The following TTC7A variants were observed in gnomAD, a reference collection of about 807,000 sequenced individuals.
TTC7A encodes tetratricopeptide repeat domain 7A, also known as tetratricopeptide repeat protein 7A.
A neutral mutation model predicts 103.7 loss-of-function variants in TTC7A; 110 were observed. The ratio of observed to expected loss-of-function variants is 1.06; its 90% confidence interval spans 0.91 to 1.24. The LOEUF (loss-of-function observed/expected upper bound fraction) is 1.24, where lower values mean the gene tolerates loss of function less well. Ranked by LOEUF, TTC7A falls within the 50% of genes most tolerant of loss-of-function variation. TTC7A has a pLI of 0.00. For synonymous variants in TTC7A, 521 were observed against 467.9 expected (o/e 1.11, Z -1.47); for missense variants, 1,340 against 1,116.3 (o/e 1.20, Z -2.86).
intron 2 of TTC7A, among the ~76,000 whole-genome samples, chr2:46,931,599 C>T (rs1345735699): frequency 6.6e-6 from 1 of 151,994 alleles, no homozygotes; most frequent in Non-Finnish European, 1.5e-5. Flanking sequence ...GGGTCACCAG[C>T]CAAGGAATGC....
intron 8 of TTC7A, among the ~76,000 whole-genome samples, chr2:47,002,905 G>A (rs981209452): frequency 6.6e-6 from 1 of 152,080 alleles, no homozygotes; most frequent in Non-Finnish European, 1.5e-5. Flanking sequence ...GCCCCAGTTC[G>A]CACCAGTCCC....
chr2:46,996,284 C>T (rs902987251), intron 8 of TTC7A, among the ~76,000 whole-genome samples: 3 of 152,100 alleles, frequency 2.0e-5, no homozygotes, highest in African/African-American at 4.8e-5. Context: ...CCAAGTCCTC[C>T]GACCAAGGGG....
chr2:47,032,467 T>C (rs1680655143), intron 15 of TTC7A, among the ~76,000 whole-genome samples: 1 of 152,210 alleles, frequency 6.6e-6, no homozygotes, highest in South Asian at 2.1e-4. Context: ...GCAGAGCGAC[T>C]GCAAGGGCTT....
chr2:46,938,945 A>C (rs1670113445), upstream of TTC7A, among the ~76,000 whole-genome samples: 3 of 149,774 alleles, frequency 2.0e-5, no homozygotes, highest in African/African-American at 7.4e-5. Context: ...TGGGAGGCGG[A>C]GGTTGTTGTG....
In TTC7A at chr2:46,978,680, T is replaced by C. The variant is rs1307301070; in HGVS notation, c.649-112T>C. ...CAAGCCTGGTCTGAGAATGCAACAATGTGCCCCTGAACAACTGGGACTGGG... is the reference window on the plus strand; with the variant it reads ...CAAGCCTGGTCTGAGAATGCAACAACGTGCCCCTGAACAACTGGGACTGGG... On this transcript the variant is annotated intron_variant, in intron 4 of 19. Transcript: ENST00000319190. The C allele has an allele frequency of 1.1e-5, 8 of 721,732 alleles. No individual in the cohort carries two copies. In the East Asian group the frequency reaches 2.2e-4, roughly 20 times the overall value. The allele number at this position is 721,732 out of a possible 1,614,324, so 44.7% of individuals were successfully genotyped here. A position where few individuals can be genotyped will look rare whatever the true frequency, so the allele number is the denominator to read the frequency against.
Position 47,073,931 on chromosome 2 carries a change from G to A in TTC7A, c.*8G>A, listed in dbSNP as rs757595001. The A allele has an allele frequency of 1.2e-6, 2 of 1,604,728 alleles. No homozygotes were observed. The highest frequency in any genetic ancestry group is 1.7e-5 in the Admixed American group (1 of 59,692). ...ATCCCCAGAGAGCTCTGACGACGCT[G>A]CAGCCGCAGGGAGGGAGGGGCTGGC... On this transcript the variant is annotated 3_prime_UTR_variant, in exon 20 of 20. Coordinates refer to ENST00000319190, the MANE Select transcript of TTC7A (RefSeq NM_020458.4).
chr2:47,067,481 A>T (rs1167859129), intron 19 of TTC7A, among the ~76,000 whole-genome samples: 2 of 152,242 alleles, frequency 1.3e-5, no homozygotes, highest in African/African-American at 2.4e-5. Context: ...CTGAGAAGAC[A>T]GGGAGGGAGT....
intron 16 of TTC7A, among the ~76,000 whole-genome samples, chr2:47,049,004 T>C (rs1240634947): frequency 6.6e-6 from 1 of 152,118 alleles, no homozygotes; most frequent in East Asian, 1.9e-4. Flanking sequence ...TATAGATGGT[T>C]TCCTCTGATG....
chr2:46,979,184 A>AG (rs1674181230), intron 5 of TTC7A, among the ~76,000 whole-genome samples: 1 of 152,058 alleles, frequency 6.6e-6, no homozygotes, highest in Non-Finnish European at 1.5e-5. Context: ...GCATTTCAAG[A>AG]GGGGAGGGTG....
chr2:46,940,551 A>G (rs1051662408), upstream of TTC7A, among the ~76,000 whole-genome samples: 2 of 152,262 alleles, frequency 1.3e-5, no homozygotes, highest in Non-Finnish European at 2.9e-5. The surrounding 1 kb of genome is among the most constrained non-coding windows in gnomAD (Gnocchi z 4.7). Flanking sequence ...ACAGTCTTAG[A>G]CCAGCATGAA....
chr2:47,043,341 A>G (rs755980347), intron 15 of TTC7A, among the ~76,000 whole-genome samples: 1 of 152,196 alleles, frequency 6.6e-6, no homozygotes, highest in Non-Finnish European at 1.5e-5. Context: ...CACAGCCCCC[A>G]TGGGGATACA....
chr2:47,010,239 GT>G (rs1677895894), intron 10 of TTC7A, among the ~76,000 whole-genome samples: 1 of 152,138 alleles, frequency 6.6e-6, no homozygotes, highest in African/African-American at 2.4e-5. Context: ...AGGCCCAACA[GT>G]TTTTTGCAAC....
At chr2:47,065,715 TCAG>T (rs1178802039) in intron 19 of TTC7A, 2 of 152,224 alleles carry the variant, frequency 1.3e-5, no homozygotes, top group Non-Finnish European at 2.9e-5. Flanking sequence ...CTGCTATCCT[TCAG>T]CAGCCCCTGA....
At chr2:47,019,231 G>C (rs1679015924) in intron 11 of TTC7A, among the ~76,000 whole-genome samples, 1 of 152,016 alleles carries the variant, frequency 6.6e-6, no homozygotes, top group Non-Finnish European at 1.5e-5. Context: ...TTGTAGTATG[G>C]TAATAGAAAT....
At chr2:47,061,105 G>A in intron 19 of TTC7A, 134 bp downstream of exon 19, 3 of 936,700 alleles carry the variant, frequency 3.2e-6, no homozygotes, top group Non-Finnish European at 4.7e-6. Context: ...GTGTCTAGGG[G>A]AGGGGGCTTC....
At chr2:46,981,887 G>A (rs1264988698) in intron 5 of TTC7A, among the ~76,000 whole-genome samples, 3 of 152,228 alleles carry the variant, frequency 2.0e-5, no homozygotes, top group Non-Finnish European at 2.9e-5. Flanking sequence ...AGGCTGTGGT[G>A]AGGTCACTTC....
chr2:46,946,060 C>T (rs1194689303), intron 1 of TTC7A, among the ~76,000 whole-genome samples: 1 of 152,140 alleles, frequency 6.6e-6, no homozygotes, highest in Non-Finnish European at 1.5e-5. Flanking sequence ...TGTGACCTGG[C>T]ACTCTTGGAG....
intron 3 of TTC7A, among the ~76,000 whole-genome samples, chr2:46,957,414 C>T (rs1275308443): frequency 6.6e-6 from 1 of 152,256 alleles, no homozygotes; most frequent in Non-Finnish European, 1.5e-5. Context: ...CACTGGCAGG[C>T]TGGCTCTGCT....
intron 2 of TTC7A, among the ~76,000 whole-genome samples, chr2:46,953,645 A>G (rs1193288536): frequency 6.6e-6 from 1 of 151,998 alleles, no homozygotes; most frequent in East Asian, 1.9e-4. Flanking sequence ...CCTCTTGGTT[A>G]TCTCTCTAAG....
Sources: gnomAD v4.1 joint callset for allele counts (sites outside exome capture counted in the v4.1 genomes callset) on GRCh38, gnomAD v4.1.1 for gene constraint, Gnocchi (gnomAD v3.1) non-coding constraint, MANE v1.5 for transcripts, NCBI Gene and HGNC (gene_info 2026-07-23, HGNC 2026-07-21) for gene names.